Variants in MYO9B observed in about 807,000 individuals in gnomAD.
MYO9B encodes unconventional myosin-IXb.
Under a neutral mutation model 229.5 loss-of-function variants are expected in MYO9B, and 71 were observed. The ratio of observed to expected loss-of-function variants is 0.31; its 90% CI spans 0.26 to 0.38. The LOEUF (loss-of-function observed/expected upper bound fraction) is 0.38, where lower values mean the gene tolerates loss of function less well. Among genes scored for constraint, MYO9B ranks in the 10% least tolerant of loss-of-function variants. The probability of loss-of-function intolerance (pLI) is 1.00; values close to 1 mark genes in which losing one functional copy is unlikely to be tolerated. For synonymous variants in MYO9B, 1,185 were observed against 1,235.8 expected (o/e 0.96, Z 0.86); for missense variants, 2,255 against 2,920.5 (o/e 0.77, Z 5.25).
In MYO9B at chr19:17,205,955, T is replaced by C. The variant is rs373099326; in HGVS notation, c.5065-5T>C. Reference sequence around the variant, plus strand: ...CAGACCTGACCCCCAACCCCGGCACTGCAGGGCGAGCCAGGCGTTGAGCCT... The same window carrying C: ...CAGACCTGACCCCCAACCCCGGCACCGCAGGGCGAGCCAGGCGTTGAGCCT... On this transcript the variant is annotated splice_region_variant and splice_polypyrimidine_tract_variant and intron_variant, in intron 31 of 39. Coordinates refer to ENST00000682292, the MANE Select transcript of MYO9B (RefSeq NM_004145.4). 5.6e-4 allele frequency: 865 copies of C among 1,552,886 alleles called. 3 individuals are homozygous for C. Among genetic ancestry groups the C allele is most frequent in the Non-Finnish European group, 3.5e-4 (407 of 1,147,152 alleles).
In MYO9B at chr19:17,195,168, G is replaced by T; in HGVS notation, c.3741G>T (p.Gln1247His). The change falls in exon 22 of 40, where the codon CAG becomes CAT. Residue 1247 changes from glutamine to histidine, a missense_variant. Gln to His is a conservative substitution (Grantham distance 24). Coordinates refer to ENST00000682292, the MANE Select transcript of MYO9B (RefSeq NM_004145.4). The surrounding 1 kb of genome is among the most constrained non-coding windows in gnomAD (Gnocchi z 4.5). ...CCAGTGGGAGCCCCAGGCCTGGCCAGTTGGAGCGGCCGACCAGCCTGGCCC... is the reference window on the plus strand; with the variant it reads ...CCAGTGGGAGCCCCAGGCCTGGCCATTTGGAGCGGCCGACCAGCCTGGCCC... Reference protein sequence around the residue: ...TLPSGSPRPGQLERPTSLALD... With the variant: ...TLPSGSPRPGHLERPTSLALD... The T allele has an allele frequency of 6.2e-7, 1 of 1,611,386 alleles. No homozygotes were observed. The highest frequency in any genetic ancestry group is 8.5e-7 in the Non-Finnish European group (1 of 1,179,374).
At chr19:17,185,623 C>A (rs1054846830) in intron 17 of MYO9B, among the ~76,000 whole-genome samples, 2 of 152,256 alleles carry the variant, frequency 1.3e-5, no homozygotes, top group South Asian at 2.1e-4. Flanking sequence ...TGTTTCAAAT[C>A]TCCAGAAAGC....
chr19:17,111,205 G>A (rs1331275729), intron 2 of MYO9B, among the ~76,000 whole-genome samples: 1 of 152,136 alleles, frequency 6.6e-6, no homozygotes, highest in East Asian at 1.9e-4. Flanking sequence ...TCCTGATGTG[G>A]GCAGACTGAC....
In MYO9B at chr19:17,212,525, C is replaced by T. The variant is rs887198004; in HGVS notation, c.*215C>T. The T allele has an allele frequency of 9.6e-6, 5 of 520,424 alleles. No homozygotes were observed. Among genetic ancestry groups the T allele is most frequent in the East Asian group, 6.6e-5 (2 of 30,370 alleles). 32.2% of individuals were successfully genotyped at this position (520,424 alleles called of 1,614,324 possible). ...TCGCACGCAGCCCCCAAATCATGGA[C>T]GCACCTGTGGGGAGCACCACATCTC... On this transcript the variant is annotated 3_prime_UTR_variant, in exon 40 of 40. Coordinates refer to ENST00000682292, the MANE Select transcript of MYO9B (RefSeq NM_004145.4). This position sits in a 1 kb window ranked among gnomAD's most constrained non-coding sequence, Gnocchi z 5.4.
chr19:17,204,430 C>G (rs1368294692), intron 30 of MYO9B, among the ~76,000 whole-genome samples: 1 of 151,076 alleles, frequency 6.6e-6, no homozygotes, highest in African/African-American at 2.4e-5. Context: ...CAAACACCTG[C>G]TCATGGTTCC....
chr19:17,204,898 T>C (rs180873773), intron 30 of MYO9B, among the ~76,000 whole-genome samples: 436 of 152,130 alleles, frequency 2.9e-3, no homozygotes, highest in African/African-American at 9.9e-3. Flanking sequence ...ACGCCTCTAA[T>C]CCCAACACTT....
At position 17,146,161 on chromosome 19, in the gene MYO9B, AGATGGATGGATGGATGGATG is replaced by A. The variant is rs56016892; in HGVS notation, c.935+702_935+721del. On this transcript the variant is annotated intron_variant, in intron 3 of 39. Transcript: ENST00000682292. ...TAGATTCATGAATGGGTGGGTGGAT[AGATGGATGGATGGATGGATG>A]GATGGATGGATGGATGGATGGATGG... Among the ~76,000 whole-genome samples, 21 of 100,846 alleles carry A rather than the reference AGATGGATGGATGGATGGATG, an allele frequency of 2.1e-4. No homozygotes were observed. The East Asian group carries it at 3.3e-3, about 16-fold the overall frequency. 66.2% of individuals were successfully genotyped at this position (100,846 alleles called of 152,430 possible). A position where few individuals can be genotyped will look rare whatever the true frequency, so the allele number is the denominator to read the frequency against.
Position 17,210,866 on chromosome 19 carries a change from C to G in MYO9B, c.5930+18C>G. On this transcript the variant is annotated intron_variant, in intron 38 of 39. Coordinates refer to ENST00000682292, the MANE Select transcript of MYO9B (RefSeq NM_004145.4). ...GAGGAGAAGCAAGTGGCTCAGTCCC[C>G]TCCCTCAGTCCTTCATGTTTAGGGC... The G allele has an allele frequency of 1.3e-6, 2 of 1,582,630 alleles. No homozygotes were observed. The highest frequency in any genetic ancestry group is 1.7e-6 in the Non-Finnish European group (2 of 1,165,520).
intron 1 of MYO9B, among the ~76,000 whole-genome samples, chr19:17,086,420 C>T (rs1052708019): frequency 2.0e-5 from 3 of 152,232 alleles, no homozygotes; most frequent in East Asian, 1.9e-4. Flanking sequence ...CCCTGAGCGC[C>T]GCCCCACAGG....
chr19:17,157,006 G>A lies in MYO9B; in HGVS notation c.1297G>A (p.Glu433Lys), dbSNP rs781240367. 17 of 1,613,746 alleles carry A rather than the reference G, an allele frequency of 1.1e-5. No homozygotes were observed. The highest frequency in any genetic ancestry group is 3.3e-5 in the Admixed American group (2 of 60,008). ...GGAAGGGTTGGAGGTCGGGCCACCC[G>A]AGGTGCTGGACACCCTGTCGCAGCT... Reference protein sequence around the residue: ...REEGLEVGPPEVLDTLSQLLK... With the variant: ...REEGLEVGPPKVLDTLSQLLK... The change falls in exon 7 of 40, where the codon GAG becomes AAG. Residue 433 changes from glutamate (E) to lysine (K), a missense_variant. Transcript: ENST00000682292.
intron 2 of MYO9B, among the ~76,000 whole-genome samples, chr19:17,107,023 A>T (rs1599329035): frequency 6.6e-6 from 1 of 151,880 alleles, no homozygotes; most frequent in Admixed American, 6.6e-5. Context: ...ATATCGCACC[A>T]TTGCACTCCA....
intron 8 of MYO9B, among the ~76,000 whole-genome samples, chr19:17,161,595 C>T (rs1453690649): frequency 2.0e-5 from 3 of 152,056 alleles, no homozygotes; most frequent in Non-Finnish European, 4.4e-5. Context: ...GCAGGCAGAT[C>T]GCTTGAGGCC....
At position 17,142,386 on chromosome 19, in the gene MYO9B, T is replaced by C. The variant is rs140993788; in HGVS notation, c.841-3011T>C. ...ATGTTCTGGAACCAGGTAAAGGCGA[T>C]GGCTGCACAACATTGTGAATGTACT... On this transcript the variant is annotated intron_variant, in intron 2 of 39. Coordinates refer to ENST00000682292, the MANE Select transcript of MYO9B (RefSeq NM_004145.4). Among the ~76,000 whole-genome samples the C allele has an allele frequency of 7.7e-4, 117 of 152,246 alleles. 5 individuals are homozygous for C. The East Asian group carries it at 0.022, about 28-fold the overall frequency.
chr19:17,185,111 C>G, intron 17 of MYO9B, 124 bp downstream of exon 17: 1 of 1,396,494 alleles, frequency 7.2e-7, no homozygotes, highest in Middle Eastern at 2.0e-4. Flanking sequence ...CGCGGTGGCT[C>G]AAGCCTGTAA....
chr19:17,136,143 G>T (rs2072266827), intron 2 of MYO9B, among the ~76,000 whole-genome samples: 2 of 152,056 alleles, frequency 1.3e-5, no homozygotes, highest in African/African-American at 4.8e-5. Flanking sequence ...TTGAATTGAG[G>T]GTGACTGGGG....
At chr19:17,102,965 A>G (rs770453278) in intron 2 of MYO9B, among the ~76,000 whole-genome samples, 62 of 147,642 alleles carry the variant, frequency 4.2e-4, no homozygotes, top group Admixed American at 3.2e-3. Context: ...CTATAACCCC[A>G]GTGGTTTTTG....
In MYO9B at chr19:17,172,424, G is replaced by A; in HGVS notation, c.1882G>A (p.Glu628Lys). 1 of 1,613,910 alleles carries A rather than the reference G, an allele frequency of 6.2e-7. No homozygotes were observed. The highest frequency in any genetic ancestry group is 8.5e-7 in the Non-Finnish European group (1 of 1,179,870). The change falls in exon 12 of 40, where the codon GAG becomes AAG. Residue 628 changes from glutamate to lysine, a missense_variant. Physicochemically the swap from Glu to Lys is moderately conservative, Grantham distance 56 (BLOSUM62 1). Coordinates refer to ENST00000682292, the MANE Select transcript of MYO9B (RefSeq NM_004145.4). The surrounding 1 kb of genome is among the most constrained non-coding windows in gnomAD (Gnocchi z 8.2). Reference protein sequence around the residue: ...NKYFLGTPVMEPAFIIQHFAG... With the variant: ...NKYFLGTPVMKPAFIIQHFAG... Reference sequence around the variant, plus strand: ...GTACTTCCTGGGCACCCCGGTCATGGAGCCAGCTTTCATCATCCAGCACTT... The same window carrying A: ...GTACTTCCTGGGCACCCCGGTCATGAAGCCAGCTTTCATCATCCAGCACTT...
chr19:17,149,318 G>T (rs1431981079), intron 3 of MYO9B, among the ~76,000 whole-genome samples: 2 of 152,060 alleles, frequency 1.3e-5, no homozygotes, highest in African/African-American at 4.8e-5. Context: ...GGTTCCAGGA[G>T]ACATAACTTC....
At chr19:17,204,417 C>T (rs1212806703) in intron 30 of MYO9B, among the ~76,000 whole-genome samples, 1 of 150,516 alleles carries the variant, frequency 6.6e-6, no homozygotes, top group Non-Finnish European at 1.5e-5. Flanking sequence ...TCACAGGTCC[C>T]CACAAACACC....
Sources: allele counts gnomAD v4.1 joint callset (sites outside exome capture counted in the v4.1 genomes callset), GRCh38; gene constraint gnomAD v4.1.1; non-coding constraint Gnocchi (gnomAD v3.1); transcripts MANE v1.5; gene names NCBI Gene and HGNC (gene_info 2026-07-23, HGNC 2026-07-21).